The following SLC6A18 variants were observed in gnomAD, a reference collection of about 807,000 sequenced individuals.
SLC6A18 encodes the protein inactive sodium-dependent neutral amino acid transporter B(0)AT3.
Under a neutral mutation model 62.9 loss-of-function variants are expected in SLC6A18, and 58 were observed. The ratio of observed to expected loss-of-function variants is 0.92; its 90% CI spans 0.75 to 1.15. The LOEUF is 1.15. SLC6A18 is among the 50% of genes most tolerant of loss of function. The probability of loss-of-function intolerance (pLI) is 0.00; values close to 1 mark genes in which losing one functional copy is unlikely to be tolerated. For missense variants in SLC6A18, 793 were observed against 836.6 expected (o/e 0.95, Z 0.64); for synonymous variants, 382 against 365.8 (o/e 1.04, Z -0.51).
At chr5:1,240,438 G>A (rs984791776) in intron 6 of SLC6A18, 93 bp from the exon 7 acceptor site, 1 of 1,557,728 alleles carries the variant, frequency 6.4e-7, no homozygotes, top group East Asian at 2.3e-5. Flanking sequence ...CGGGAGAGAG[G>A]GTCAAGGAGG....
At chr5:1,239,313 C>A in intron 5 of SLC6A18, 137 bp from the exon 6 acceptor site, 2 of 649,136 alleles carry the variant, frequency 3.1e-6, no homozygotes, top group East Asian at 2.7e-5. Context: ...TGGTCCTACC[C>A]TGTTCCTGGT....
At chr5:1,227,722 C>T (rs770744972) in intron 1 of SLC6A18, among the ~76,000 whole-genome samples, 1 of 152,192 alleles carries the variant, frequency 6.6e-6, no homozygotes, top group Admixed American at 6.5e-5. Flanking sequence ...CAAAACGTTG[C>T]GGTAAAGATT....
Position 1,232,148 on chromosome 5 carries a change from C to T in SLC6A18, c.161-71C>T. 4.2e-6 allele frequency: 6 copies of T among 1,414,692 alleles called. No homozygotes were observed. The Admixed American group carries it at 9.6e-5, about 23-fold the overall frequency. The allele number at this position is 1,414,692 out of a possible 1,614,324, so 87.6% of individuals were successfully genotyped here. On this transcript the variant is annotated intron_variant, in intron 1 of 11. Coordinates refer to ENST00000324642, the MANE Select transcript of SLC6A18 (RefSeq NM_182632.3). ...TGCCCCTTGAAGACCACAGGTGGCT[C>T]CCCCTGGCCCACGCCACAGTCCCCC... is the stretch of plus-strand genomic sequence containing the variant.
intron 1 of SLC6A18, 109 bp downstream of exon 1, chr5:1,225,746 C>T: frequency 7.4e-7 from 1 of 1,346,560 alleles, no homozygotes; most frequent in Non-Finnish European, 1.0e-6. Flanking sequence ...CAGAGTCACT[C>T]CTCCTGGAAA....
intron 4 of SLC6A18, among the ~76,000 whole-genome samples, chr5:1,236,505 T>C (rs4975621): frequency 0.066 from 10,045 of 152,322 alleles, 857 homozygotes; most frequent in African/African-American, 0.2. Flanking sequence ...GTGGTTTCCA[T>C]TGGGAGCAGC....
Position 1,243,499 on chromosome 5 carries a change from T to C in SLC6A18, c.1132-56T>C. The stretch of plus-strand genomic sequence containing the variant: ...TGTGTGTCCTGCAGGCAGGCGTGTG[T>C]GTGTGGTGGAGTGTGTGTGTGCGTG... On this transcript the variant is annotated intron_variant, in intron 8 of 11. Coordinates refer to ENST00000324642, the MANE Select transcript of SLC6A18 (RefSeq NM_182632.3). The surrounding 1 kb of genome is among the most constrained non-coding windows in gnomAD (Gnocchi z 6.5). 6.4e-7 allele frequency: 1 copy of C among 1,562,684 alleles called. No individual in the cohort carries two copies.
At chr5:1,240,455 C>T in intron 6 of SLC6A18, 76 bp from the exon 7 acceptor site, 3 of 1,588,312 alleles carry the variant, frequency 1.9e-6, no homozygotes, top group Admixed American at 3.4e-5. Flanking sequence ...GAGGGAAGCC[C>T]CCTCCTCACT....
chr5:1,226,366 G>T (rs556550946), intron 1 of SLC6A18, among the ~76,000 whole-genome samples: 2 of 152,160 alleles, frequency 1.3e-5, no homozygotes, highest in Non-Finnish European at 2.9e-5. Flanking sequence ...GGGAGCCGAC[G>T]TACAACATCA....
intron 5 of SLC6A18, among the ~76,000 whole-genome samples, 161 bp downstream of exon 5, chr5:1,238,221 C>T (rs575650707): frequency 2.0e-4 from 30 of 148,320 alleles, no homozygotes; most frequent in Admixed American, 5.4e-4. Context: ...GATGGCGTGG[C>T]GGGAGGGGGG....
intron 3 of SLC6A18, among the ~76,000 whole-genome samples, chr5:1,234,683 G>A (rs1405124420): frequency 6.6e-6 from 1 of 152,246 alleles, no homozygotes; most frequent in Non-Finnish European, 1.5e-5. Context: ...GCCCGGAGGG[G>A]CCAGCTCTGC....
At chr5:1,227,507 C>T (rs1167403230) in intron 1 of SLC6A18, among the ~76,000 whole-genome samples, 2 of 152,260 alleles carry the variant, frequency 1.3e-5, no homozygotes, top group Non-Finnish European at 2.9e-5. Context: ...ATGCCCTTCA[C>T]TTTGTCTCGC....
intron 7 of SLC6A18, among the ~76,000 whole-genome samples, chr5:1,242,197 C>T (rs868150745): frequency 1.3e-5 from 2 of 152,228 alleles, no homozygotes; most frequent in South Asian, 2.1e-4. Context: ...GCCACCACCC[C>T]CACCCCCTTT....
rs762089157 is a variant in SLC6A18, at chr5:1,241,733, CG to C, written c.975-970del. Among the ~76,000 whole-genome samples the C allele has an allele frequency of 1.8e-4, 27 of 152,190 alleles. No homozygotes were observed. Among genetic ancestry groups the C allele is most frequent in the Non-Finnish European group, 3.5e-4 (24 of 68,036 alleles). On this transcript the variant is annotated intron_variant, in intron 7 of 11. Coordinates refer to ENST00000324642, the MANE Select transcript of SLC6A18 (RefSeq NM_182632.3). The surrounding 1 kb of genome is among the most constrained non-coding windows in gnomAD (Gnocchi z 7.8). ...GAGCTGGGCTTTGTTCAGCCCCAGC[CG>C]GGGACGTGCATGGCGGGCAACTCTG...
intron 3 of SLC6A18, among the ~76,000 whole-genome samples, chr5:1,234,118 A>G (rs1316369346): frequency 6.6e-6 from 1 of 152,118 alleles, no homozygotes; most frequent in Non-Finnish European, 1.5e-5. Flanking sequence ...CCTTGGGTTC[A>G]AGCGATCCTC....
In SLC6A18 at chr5:1,244,379, C is replaced by A; in HGVS notation, c.1496+6C>A. 1 of 1,613,732 alleles carries A rather than the reference C, an allele frequency of 6.2e-7. No individual in the cohort carries two copies. Among genetic ancestry groups the A allele is most frequent in the Non-Finnish European group, 8.5e-7 (1 of 1,179,662 alleles). On this transcript the variant is annotated splice_donor_region_variant and intron_variant, in intron 10 of 11. Coordinates refer to ENST00000324642, the MANE Select transcript of SLC6A18 (RefSeq NM_182632.3). ...TATGTTTATGGAATGAAACGGTGAG[C>A]TGCCGCCCCGCCGAGTGCTCCTCTG...
chr5:1,229,974 AGGG>A (rs1274084997), intron 1 of SLC6A18, among the ~76,000 whole-genome samples: 3 of 56,964 alleles, frequency 5.3e-5, no homozygotes, highest in African/African-American at 2.4e-4. Flanking sequence ...TGCAGGCTGG[AGGG>A]GAGGGAAGAA....
intron 3 of SLC6A18, among the ~76,000 whole-genome samples, chr5:1,233,610 G>T (rs537653073): frequency 4.7e-5 from 7 of 149,812 alleles, no homozygotes; most frequent in South Asian, 2.1e-4. Flanking sequence ...TTGGGACAAG[G>T]TCTCCCTCTA....
intron 7 of SLC6A18, among the ~76,000 whole-genome samples, chr5:1,242,360 C>T (rs1396155681): frequency 6.7e-6 from 1 of 149,796 alleles, no homozygotes; most frequent in Non-Finnish European, 1.5e-5. Flanking sequence ...GGGCAGGAGG[C>T]GTCCACACGA....
chr5:1,237,812 C>T lies in SLC6A18; in HGVS notation c.622-138C>T, dbSNP rs2126535706. On this transcript the variant is annotated intron_variant, in intron 4 of 11. Transcript: ENST00000324642. ...CCCACCATCCCCCAAGGTGCACCCCCATCCGTCCTGGTCAATCCCATACCA... is the reference window on the plus strand; with the variant it reads ...CCCACCATCCCCCAAGGTGCACCCCTATCCGTCCTGGTCAATCCCATACCA... The T allele has an allele frequency of 3.0e-5, 20 of 661,608 alleles. 1 individual carries two copies. In the South Asian group the frequency reaches 3.4e-4, roughly 11 times the overall value. The allele number at this position is 661,608 out of a possible 1,614,324, so 41.0% of individuals were successfully genotyped here.
Sources: gnomAD v4.1 joint callset for allele counts (sites outside exome capture counted in the v4.1 genomes callset) on GRCh38, gnomAD v4.1.1 for gene constraint, Gnocchi (gnomAD v3.1) non-coding constraint, MANE v1.5 for transcripts, NCBI Gene and HGNC (gene_info 2026-07-23, HGNC 2026-07-21) for gene names.